KDM2A: variants seen among roughly 807,000 people sequenced by gnomAD.
KDM2A encodes the protein lysine-specific demethylase 2A.
Under a neutral mutation model 137.3 loss-of-function variants are expected in KDM2A, and 3 were observed. The observed-to-expected ratio is 0.02, with a 90% CI of 0.01 to 0.06. The LOEUF is 0.06. KDM2A is among the 10% of genes least tolerant of loss of function. The probability of loss-of-function intolerance (pLI) is 1.00; values close to 1 mark genes in which losing one functional copy is unlikely to be tolerated. For synonymous variants in KDM2A, 512 were observed against 541.5 expected (o/e 0.95, Z 0.76); for missense variants, 738 against 1,510.6 (o/e 0.49, Z 8.48).
intron 2 of KDM2A, among the ~76,000 whole-genome samples, chr11:67,168,554 A>G (rs1856799626): frequency 9.6e-6 from 1 of 104,438 alleles, no homozygotes; most frequent in African/African-American, 3.9e-5. Flanking sequence ...ATACACACAC[A>G]CACACACACA....
chr11:67,252,147 G>A (rs1197068778), intron 17 of KDM2A, among the ~76,000 whole-genome samples: 1 of 152,200 alleles, frequency 6.6e-6, no homozygotes, highest in East Asian at 1.9e-4. Flanking sequence ...GGGTGAGAGA[G>A]GACTCTGTAA....
intron 10 of KDM2A, among the ~76,000 whole-genome samples, chr11:67,223,820 G>A (rs1323487383): frequency 6.6e-6 from 1 of 152,150 alleles, no homozygotes; most frequent in Non-Finnish European, 1.5e-5. Context: ...AGAAAGTGTT[G>A]CTATACTTAA....
intron 9 of KDM2A, among the ~76,000 whole-genome samples, chr11:67,218,803 G>A (rs928754044): frequency 5.3e-5 from 8 of 152,102 alleles, no homozygotes; most frequent in Admixed American, 5.2e-4. Flanking sequence ...TAGAGACGGG[G>A]TTTCACCATG....
At chr11:67,213,667 G>A (rs550738369) in intron 6 of KDM2A, among the ~76,000 whole-genome samples, 3 of 150,794 alleles carry the variant, frequency 2.0e-5, no homozygotes, top group Non-Finnish European at 4.4e-5. Flanking sequence ...GCTGAGGCAG[G>A]AGAATTGCTT....
chr11:67,252,542 G>T (rs1322636924), intron 17 of KDM2A, 152 bp from the exon 18 acceptor site: 5 of 854,420 alleles, frequency 5.9e-6, no homozygotes, highest in Admixed American at 4.4e-5. Context: ...TGCCTATTCT[G>T]TGAGGCAAAA....
intron 2 of KDM2A, among the ~76,000 whole-genome samples, chr11:67,170,408 C>T (rs113318225): frequency 1.8e-3 from 166 of 92,722 alleles, no homozygotes; most frequent in African/African-American, 2.9e-3. Flanking sequence ...TTCTTTCTTT[C>T]TTTTTTTTTT....
At chr11:67,199,127 G>T (rs1857557119) in intron 5 of KDM2A, among the ~76,000 whole-genome samples, 1 of 152,120 alleles carries the variant, frequency 6.6e-6, no homozygotes, top group Non-Finnish European at 1.5e-5. Context: ...GAGGTGCCAT[G>T]AACTGTATCC....
chr11:67,162,763 G>T (rs1856662560), intron 2 of KDM2A, among the ~76,000 whole-genome samples: 1 of 152,072 alleles, frequency 6.6e-6, no homozygotes, highest in Non-Finnish European at 1.5e-5. Flanking sequence ...GCCCAGGCTA[G>T]AGTGCAGTGG....
At chr11:67,206,304 G>A (rs959194262) in intron 5 of KDM2A, among the ~76,000 whole-genome samples, 26 of 152,286 alleles carry the variant, frequency 1.7e-4, no homozygotes, top group African/African-American at 5.8e-4. Context: ...GGTGGCACAC[G>A]GCCATATTCC....
Position 67,181,418 on chromosome 11 carries a change from C to T in KDM2A, c.260+20C>T, listed in dbSNP as rs886909974. 6.3e-7 allele frequency: 1 copy of T among 1,588,982 alleles called. No individual in the cohort carries two copies. The highest frequency in any genetic ancestry group is 1.3e-5 in the African/African-American group (1 of 74,564). ...AATAAAGTAAGTGTTTTCAGCCTGG[C>T]TGGATGTAGTTGCAAAATGGCCTCG... On this transcript the variant is annotated intron_variant, in intron 4 of 20. Transcript: ENST00000529006.
At chr11:67,195,611 T>C (rs1312264311) in intron 5 of KDM2A, 1 of 154,832 alleles carries the variant, frequency 6.5e-6, no homozygotes, top group Non-Finnish European at 1.4e-5. Context: ...TATCAAGTCT[T>C]TCTTTGCAAA....
chr11:67,157,263 A>G (rs565748474), intron 2 of KDM2A, among the ~76,000 whole-genome samples: 171 of 151,194 alleles, frequency 1.1e-3, no homozygotes, highest in African/African-American at 4.1e-3. Flanking sequence ...CAGTGAGCCA[A>G]AATCGCGCCA....
Position 67,121,222 on chromosome 11 carries a change from A to G in KDM2A, c.-83-12A>G. 2.3e-6 allele frequency: 2 copies of G among 856,584 alleles called. No homozygotes were observed. Among genetic ancestry groups the G allele is most frequent in the South Asian group, 2.9e-5 (2 of 69,656 alleles). 53.1% of individuals were successfully genotyped at this position (856,584 alleles called of 1,614,324 possible). A position where few individuals can be genotyped will look rare whatever the true frequency, so the allele number is the denominator to read the frequency against. ...ATGAGTTCTCATTTCTGCTTATATC[A>G]TTATTCTTTAGTGTTGCAATCTGGT... On this transcript the variant is annotated splice_polypyrimidine_tract_variant and intron_variant, in intron 1 of 20. Transcript: ENST00000529006.
chr11:67,144,506 C>G (rs1989154216), intron 2 of KDM2A, among the ~76,000 whole-genome samples: 1 of 151,946 alleles, frequency 6.6e-6, no homozygotes, highest in Non-Finnish European at 1.5e-5. Context: ...CCCACCTCAG[C>G]CTTCCAAAGT....
intron 2 of KDM2A, chr11:67,149,344 A>G (rs1490972883): frequency 6.6e-6 from 1 of 152,134 alleles, no homozygotes; most frequent in African/African-American, 2.4e-5. Flanking sequence ...TGAGGATTTA[A>G]TGGGATAATG....
chr11:67,130,387 C>T (rs773144179), intron 2 of KDM2A, among the ~76,000 whole-genome samples: 1 of 152,066 alleles, frequency 6.6e-6, no homozygotes, highest in Admixed American at 6.6e-5. Flanking sequence ...TCCAGTGATC[C>T]GCCCACTTCG....
At chr11:67,242,793 T>G (rs1859087537) in intron 12 of KDM2A, among the ~76,000 whole-genome samples, 1 of 152,168 alleles carries the variant, frequency 6.6e-6, no homozygotes, top group Non-Finnish European at 1.5e-5. Flanking sequence ...CTCAAAGTTT[T>G]GATAATATTG....
At chr11:67,121,529 A>G (rs893003795) in intron 2 of KDM2A, among the ~76,000 whole-genome samples, 171 bp downstream of exon 2, 8 of 152,318 alleles carry the variant, frequency 5.3e-5, no homozygotes, top group African/African-American at 1.9e-4. Context: ...TTGGCCAAAC[A>G]TGTTTTATAT....
intron 19 of KDM2A, 26 bp downstream of exon 19, chr11:67,253,637 T>G: frequency 6.2e-7 from 1 of 1,610,482 alleles, no homozygotes; most frequent in African/African-American, 1.3e-5. Context: ...GACTTCTCTG[T>G]GCTTGTCTTG....
Sources: allele counts gnomAD v4.1 joint callset (sites outside exome capture counted in the v4.1 genomes callset), GRCh38; gene constraint gnomAD v4.1.1; transcripts MANE v1.5; gene names NCBI Gene and HGNC (gene_info 2026-07-23, HGNC 2026-07-21).